Variants in DOCK3 observed in about 807,000 individuals in gnomAD.
The protein encoded by DOCK3 is dedicator of cytokinesis 3, also known as dedicator of cytokinesis protein 3.
Under a neutral mutation model 265.6 loss-of-function variants are expected in DOCK3, and 60 were observed. The observed-to-expected ratio is 0.23, with a 90% CI of 0.18 to 0.28. The LOEUF (loss-of-function observed/expected upper bound fraction) is 0.28. Ranked by LOEUF, DOCK3 falls within the 10% of genes least tolerant of loss-of-function variation. DOCK3 has a pLI of 1.00. For missense variants in DOCK3, 1,981 were observed against 2,594.3 expected (o/e 0.76, Z 5.14); for synonymous variants, 881 against 938.0 (o/e 0.94, Z 1.11).
intron 30 of DOCK3, 53 bp downstream of exon 30, chr3:51,312,629 T>A: frequency 2.7e-6 from 4 of 1,482,478 alleles, no homozygotes; most frequent in Non-Finnish European, 3.6e-6. Flanking sequence ...AATAGGGCTA[T>A]GTTTCGTTGA....
At chr3:51,277,188 C>T (rs1168658289) in intron 25 of DOCK3, among the ~76,000 whole-genome samples, 1 of 152,232 alleles carries the variant, frequency 6.6e-6, no homozygotes, top group Admixed American at 6.5e-5. Flanking sequence ...GAAGGTGCAG[C>T]TGCCACACCC....
In DOCK3 at chr3:51,334,639, C is replaced by T. The variant is rs539751908; in HGVS notation, c.3611+1386C>T. On this transcript the variant is annotated intron_variant, in intron 35 of 52. Coordinates refer to ENST00000266037, the MANE Select transcript of DOCK3 (RefSeq NM_004947.5). ...AAAGCTGGCCTTGGGGCCCCTTTTACAGCAGGAGACTTCTTTGTTCACACC... is the reference window on the plus strand; with the variant it reads ...AAAGCTGGCCTTGGGGCCCCTTTTATAGCAGGAGACTTCTTTGTTCACACC... Among the ~76,000 whole-genome samples, 4 of 152,316 alleles carry T rather than the reference C, an allele frequency of 2.6e-5. No homozygotes were observed. The South Asian group carries it at 6.2e-4, about 24-fold the overall frequency.
chr3:51,238,150 TTTTTTTTTTTG>T (rs2078433761), intron 21 of DOCK3, among the ~76,000 whole-genome samples: 3 of 48,938 alleles, frequency 6.1e-5, no homozygotes, highest in African/African-American at 8.7e-5. Context: ...TTTTTTTTTT[TTTTTTTTTTTG>T]AGATGGAGTC....
At chr3:51,337,368 C>T (rs1406978298) in intron 35 of DOCK3, among the ~76,000 whole-genome samples, 1 of 152,158 alleles carries the variant, frequency 6.6e-6, no homozygotes, top group African/African-American at 2.4e-5. Context: ...GCCTAGGGAC[C>T]CTGACTCCCA....
intron 4 of DOCK3, among the ~76,000 whole-genome samples, chr3:50,930,593 T>A (rs1479101933): frequency 6.6e-6 from 1 of 152,134 alleles, no homozygotes; most frequent in Non-Finnish European, 1.5e-5. Flanking sequence ...AGAGGCAACG[T>A]CTCCCCAGGC....
At position 51,021,982 on chromosome 3, in the gene DOCK3, A is replaced by G. The variant is rs2079615247; in HGVS notation, c.316-42466A>G. 1.3e-5 allele frequency among the ~76,000 whole-genome samples: 2 copies of G among 152,106 alleles called. 1 individual carries two copies. Among genetic ancestry groups the G allele is most frequent in the African/African-American group, 4.8e-5 (2 of 41,420 alleles). ...GGCCGAGAATTTACATTTTTTAACAATGTTAAATTATTTAATCAGTGAATG... is the reference window on the plus strand; with the variant it reads ...GGCCGAGAATTTACATTTTTTAACAGTGTTAAATTATTTAATCAGTGAATG... On this transcript the variant is annotated intron_variant, in intron 5 of 52. Transcript: ENST00000266037.
intron 2 of DOCK3, among the ~76,000 whole-genome samples, chr3:50,841,066 G>A (rs2045799121): frequency 6.6e-6 from 1 of 152,088 alleles, no homozygotes; most frequent in Non-Finnish European, 1.5e-5. Flanking sequence ...AGAAACTATA[G>A]CAAACCTCTG....
At chr3:50,762,000 G>T (rs9858298) in intron 1 of DOCK3, among the ~76,000 whole-genome samples, 1 of 152,008 alleles carries the variant, frequency 6.6e-6, no homozygotes, top group Non-Finnish European at 1.5e-5. Context: ...GCAAACTATC[G>T]CAAGGACAGA....
intron 1 of DOCK3, chr3:50,719,962 G>A: frequency 2.2e-6 from 1 of 459,314 alleles, no homozygotes; most frequent in Non-Finnish European, 4.0e-6. Context: ...CGGGGTTCTG[G>A]GTAGTGTCGT....
chr3:51,016,863 T>TATATATGATATATGTTTATATATATAAAC lies in DOCK3; in HGVS notation c.316-47557_316-47556insCATATATGATATATGTTTATATATATAAA, dbSNP rs1559946185. Among the ~76,000 whole-genome samples the TATATATGATATATGTTTATATATATAAAC allele has an allele frequency of 1.2e-3, 94 of 77,692 alleles. 39 individuals are homozygous for TATATATGATATATGTTTATATATATAAAC. Among genetic ancestry groups the TATATATGATATATGTTTATATATATAAAC allele is most frequent in the African/African-American group, 6.4e-3 (92 of 14,360 alleles). The allele number at this position is 77,692 out of a possible 152,430, so 51.0% of individuals were successfully genotyped here. ...TATGTTTATATATATCATATATAAA[T>TATATATGATATATGTTTATATATATAAAC]ATATATGATATATGTTTATATATAT... On this transcript the variant is annotated intron_variant, in intron 5 of 52. Coordinates refer to ENST00000266037, the MANE Select transcript of DOCK3 (RefSeq NM_004947.5).
intron 37 of DOCK3, among the ~76,000 whole-genome samples, chr3:51,340,279 A>G (rs1372704294): frequency 1.3e-5 from 2 of 152,224 alleles, no homozygotes; most frequent in East Asian, 1.9e-4. Flanking sequence ...GGCAAGGAAG[A>G]AAAAGACGTT....
At chr3:51,341,458 T>C in intron 38 of DOCK3, 73 bp downstream of exon 38, 1 of 1,580,492 alleles carries the variant, frequency 6.3e-7, no homozygotes, top group South Asian at 1.2e-5. Context: ...CACCATAGGG[T>C]TAACAGCAGC....
intron 1 of DOCK3, among the ~76,000 whole-genome samples, chr3:50,744,334 C>A (rs2039280869): frequency 1.3e-5 from 2 of 152,094 alleles, no homozygotes. Flanking sequence ...AACTTAGAAA[C>A]CATTTCCAAA....
chr3:51,197,587 G>T (rs772645491), intron 12 of DOCK3, among the ~76,000 whole-genome samples: 17 of 152,182 alleles, frequency 1.1e-4, no homozygotes, highest in Admixed American at 2.6e-4. Flanking sequence ...TTGGGTATTT[G>T]CCAGGACCCT....
At chr3:50,709,157 A>G (rs980254264) in intron 1 of DOCK3, among the ~76,000 whole-genome samples, 2 of 152,212 alleles carry the variant, frequency 1.3e-5, no homozygotes, top group Non-Finnish European at 2.9e-5. Context: ...AATTCTATTT[A>G]TAATAGGAAT....
Position 51,277,797 on chromosome 3 carries a change from C to G in DOCK3, c.2823+43C>G, listed in dbSNP as rs1278871454. ...AGGTTTTCTTGCCTTCTTTTCTAAC[C>G]CGGGGCTTCTCCACAACACTCCCCC... On this transcript the variant is annotated intron_variant, in intron 26 of 52. Transcript: ENST00000266037. 1.9e-6 allele frequency: 3 copies of G among 1,580,440 alleles called. No individual in the cohort carries two copies. The Admixed American group carries it at 5.5e-5, about 29-fold the overall frequency.
chr3:51,042,845 T>C (rs1443436581), intron 5 of DOCK3, among the ~76,000 whole-genome samples: 1 of 152,114 alleles, frequency 6.6e-6, no homozygotes, highest in Non-Finnish European at 1.5e-5. Context: ...CCTTCACAGT[T>C]GCCATAAAAA....
At chr3:50,715,913 A>C (rs1420124213) in intron 1 of DOCK3, among the ~76,000 whole-genome samples, 1 of 152,182 alleles carries the variant, frequency 6.6e-6, no homozygotes, top group Non-Finnish European at 1.5e-5. Context: ...TGTATTATTT[A>C]ATACAACAGT....
At position 50,793,447 on chromosome 3, in the gene DOCK3, G is replaced by A. The variant is rs149712541; in HGVS notation, c.121+14689G>A. Among the ~76,000 whole-genome samples the A allele has an allele frequency of 8.8e-5, 13 of 147,416 alleles. No homozygotes were observed. In the East Asian group the frequency reaches 2.4e-3, roughly 27 times the overall value. ...GATTTCAGCTCACTGCAACCTCTACGTCCTGGCTTCAAGTGATTCTCCTGC... is the reference window on the plus strand; with the variant it reads ...GATTTCAGCTCACTGCAACCTCTACATCCTGGCTTCAAGTGATTCTCCTGC... On this transcript the variant is annotated intron_variant, in intron 2 of 52. Transcript: ENST00000266037.
Sources: allele counts gnomAD v4.1 joint callset (sites outside exome capture counted in the v4.1 genomes callset), GRCh38; gene constraint gnomAD v4.1.1; transcripts MANE v1.5; gene names NCBI Gene and HGNC (gene_info 2026-07-23, HGNC 2026-07-21).